The following ARHGEF33 variants were observed in gnomAD, a reference collection of about 807,000 sequenced individuals.
The protein encoded by ARHGEF33 is Rho guanine nucleotide exchange factor 33.
ARHGEF33 carries 72 observed loss-of-function variants against 101.9 expected under a neutral mutation model. The observed-to-expected ratio is 0.71, with a 90% CI of 0.58 to 0.86. ARHGEF33 has a LOEUF of 0.86. Among genes scored for constraint, ARHGEF33 ranks in the 40% least tolerant of loss-of-function variants. The pLI, the probability that ARHGEF33 is intolerant of heterozygous loss-of-function variation, is 0.00. For synonymous variants in ARHGEF33, 499 were observed against 442.5 expected, an observed-to-expected ratio of 1.13 and a Z score of -1.60; for missense variants, 1,169 against 1,111.3, an observed-to-expected ratio of 1.05 and a Z score of -0.74.
At chr2:38,918,928 C>T (rs2124990986) in intron 2 of ARHGEF33, among the ~76,000 whole-genome samples, 1 of 151,518 alleles carries the variant, frequency 6.6e-6, no homozygotes, top group East Asian at 1.9e-4. Flanking sequence ...AGCCTGTGGT[C>T]CCAGCTATTT....
intron 3 of ARHGEF33, 23 bp downstream of exon 3, chr2:38,919,495 C>T (rs1196248928): frequency 2.6e-6 from 4 of 1,551,330 alleles, no homozygotes; most frequent in Middle Eastern, 1.7e-4. Context: ...CTATGTCTTG[C>T]TTTAGGACTT....
intron 2 of ARHGEF33, among the ~76,000 whole-genome samples, chr2:38,908,254 G>A (rs535920939): frequency 1.5e-4 from 23 of 152,246 alleles, no homozygotes; most frequent in Admixed American, 1.3e-3. Context: ...GTCAGGATAA[G>A]AAAAGAGATG....
intron 1 of ARHGEF33, among the ~76,000 whole-genome samples, chr2:38,892,318 T>C (rs1572734587): frequency 6.6e-6 from 1 of 152,168 alleles, no homozygotes. Context: ...AAAATTCTTA[T>C]GCTCTCTAAA....
intron 11 of ARHGEF33, among the ~76,000 whole-genome samples, chr2:38,951,681 G>T (rs566206516): frequency 5.9e-5 from 9 of 151,448 alleles, no homozygotes; most frequent in Admixed American, 4.0e-4. Context: ...AAATATATAT[G>T]CATCTGTGTG....
intron 1 of ARHGEF33, among the ~76,000 whole-genome samples, chr2:38,891,062 T>A (rs2124973779): frequency 1.3e-5 from 2 of 151,456 alleles, no homozygotes; most frequent in Middle Eastern, 6.8e-3. Flanking sequence ...CCCCCACAGG[T>A]AACTGAGACC....
At chr2:38,954,546 A>G (rs1667691692) in intron 13 of ARHGEF33, 90 bp downstream of exon 13, 1 of 743,510 alleles carries the variant, frequency 1.3e-6, no homozygotes, top group Non-Finnish European at 2.3e-6. Context: ...GTAAAGCCTC[A>G]AGAATCATTA....
At chr2:38,920,631 C>T (rs2124992079) in intron 3 of ARHGEF33, among the ~76,000 whole-genome samples, 1 of 152,166 alleles carries the variant, frequency 6.6e-6, no homozygotes, top group Non-Finnish European at 1.5e-5. Context: ...TGGTCTTGAA[C>T]TCCTAACCTC....
At chr2:38,945,474 C>A (rs1667422929) in intron 10 of ARHGEF33, among the ~76,000 whole-genome samples, 1 of 152,248 alleles carries the variant, frequency 6.6e-6, no homozygotes, top group Non-Finnish European at 1.5e-5. Context: ...CTGGACTGGG[C>A]CTCACCTCTC....
intron 7 of ARHGEF33, among the ~76,000 whole-genome samples, chr2:38,932,939 C>A (rs1246460808): frequency 6.6e-6 from 1 of 152,186 alleles, no homozygotes; most frequent in African/African-American, 2.4e-5. Context: ...CATGATAAGA[C>A]ATTCTGCACA....
chr2:38,917,653 A>G lies in ARHGEF33; in HGVS notation c.-85-1710A>G, dbSNP rs1160477396. Among the ~76,000 whole-genome samples the G allele has an allele frequency of 2.6e-5, 4 of 151,338 alleles. No individual in the cohort carries two copies. In the East Asian group the frequency reaches 7.8e-4, roughly 30 times the overall value. ...TGACCAGCCTCAGTAACATAGTGAG[A>G]CTCCTGTCTCTACAAAAATAAAAAA... On this transcript the variant is annotated intron_variant, in intron 2 of 17. Transcript: ENST00000409978.
chr2:38,967,547 C>T (rs1171677293), intron 17 of ARHGEF33, among the ~76,000 whole-genome samples: 2 of 152,086 alleles, frequency 1.3e-5, no homozygotes, highest in South Asian at 2.1e-4. Context: ...AACCTGGAAA[C>T]AGACACCTCT....
At chr2:38,969,931 A>C (rs1668129185) in intron 17 of ARHGEF33, among the ~76,000 whole-genome samples, 1 of 152,224 alleles carries the variant, frequency 6.6e-6, no homozygotes, top group African/African-American at 2.4e-5. Flanking sequence ...AGTCTGAGGC[A>C]AATGATACTT....
rs1668224151 is a variant in ARHGEF33 at position 38,974,027 on chromosome 2, A to G, written c.*184A>G. 3.2e-6 allele frequency: 1 copy of G among 315,540 alleles called. No homozygotes were observed. The highest frequency in any genetic ancestry group is 1.3e-4 in the South Asian group (1 of 7,522). The allele number at this position is 315,540 out of a possible 1,614,324, so 19.5% of individuals were successfully genotyped here. ...AACATACAAGACATTGAAGAGATGA[A>G]GATTAGTTTCTGGTTAAGATCTGGC... On this transcript the variant is annotated 3_prime_UTR_variant, in exon 18 of 18. Transcript: ENST00000409978.
Position 38,960,325 on chromosome 2 carries a change from C to T in ARHGEF33, c.2020C>T (p.Gln674Ter). ...GGCCGAGCGGCCGGAGCACCCGCTG[C>T]AGCCGCTGCCCAAGAGCGCTACGTC... ...MEAERPEHPL[Q>*]PLPKSATSPA... Residue 674 changes from glutamine (Q) to a stop codon, truncating the protein, a stop_gained, in exon 16 of 18, where the codon CAG becomes TAG. Transcript: ENST00000409978. LOFTEE classifies it high-confidence loss of function. 1 of 1,541,458 alleles carries T rather than the reference C, an allele frequency of 6.5e-7. No homozygotes were observed.
At chr2:38,950,593 G>C (rs2124411659) in intron 10 of ARHGEF33, among the ~76,000 whole-genome samples, 1 of 152,192 alleles carries the variant, frequency 6.6e-6, no homozygotes, top group African/African-American at 2.4e-5. Context: ...CTGGAATTAG[G>C]TGCATGCCAC....
At chr2:38,897,918 C>T (rs771800138) in intron 2 of ARHGEF33, among the ~76,000 whole-genome samples, 3 of 152,238 alleles carry the variant, frequency 2.0e-5, no homozygotes, top group East Asian at 3.9e-4. Context: ...TGACTGTCTT[C>T]GTGATAGAAG....
At chr2:38,942,164 C>CTTTTTTTTT (rs35282727) in intron 9 of ARHGEF33, among the ~76,000 whole-genome samples, 2 of 107,332 alleles carry the variant, frequency 1.9e-5, no homozygotes, top group Admixed American at 1.0e-4. Flanking sequence ...TCTCTCCTTT[C>CTTTTTTTTT]TTTTTTTTTT....
chr2:38,921,655 C>G (rs1042673640), intron 4 of ARHGEF33, among the ~76,000 whole-genome samples: 1 of 152,128 alleles, frequency 6.6e-6, no homozygotes, highest in African/African-American at 2.4e-5. Context: ...CCACTCTGGT[C>G]TTTAACTCCT....
intron 1 of ARHGEF33, among the ~76,000 whole-genome samples, chr2:38,891,752 T>G (rs562900899): frequency 6.6e-4 from 98 of 148,468 alleles, no homozygotes; most frequent in African/African-American, 2.3e-3. Context: ...TTTACATGAG[T>G]GTGAAACACA....
Sources: gnomAD v4.1 joint callset for allele counts (sites outside exome capture counted in the v4.1 genomes callset) on GRCh38, gnomAD v4.1.1 for gene constraint, MANE v1.5 for transcripts, NCBI Gene and HGNC (gene_info 2026-07-23, HGNC 2026-07-21) for gene names.